Variants in CDKL5 observed in about 807,000 individuals in gnomAD.
CDKL5 encodes the protein cyclin-dependent kinase-like 5.
CDKL5 carries 8 observed loss-of-function variants against 61.7 expected under a neutral mutation model. The observed-to-expected ratio is 0.13, with a 90% CI of 0.08 to 0.23. CDKL5 has a LOEUF of 0.23. CDKL5 is among the 10% of genes least tolerant of loss of function. The pLI, the probability that CDKL5 is intolerant of heterozygous loss-of-function variation, is 1.00. For missense variants in CDKL5, 440 were observed against 734.5 expected, an observed-to-expected ratio of 0.60 and a Z score of 4.63; for synonymous variants, 275 against 272.3, an observed-to-expected ratio of 1.01 and a Z score of -0.10.
intron 20 of CDKL5, among the ~76,000 whole-genome samples, chrX:18,649,289 G>A (rs1004041457): frequency 1.8e-5 from 2 of 111,320 alleles, no homozygotes; most frequent in Non-Finnish European, 3.8e-5. Flanking sequence ...AGGCTGGAGT[G>A]CTGTGGCGCA....
Position 18,634,923 on chromosome X carries a change from A to G in CDKL5, c.*6166A>G. On this transcript the variant is annotated 3_prime_UTR_variant, in exon 18 of 18. Transcript: ENST00000623535. Reference sequence around the variant, plus strand: ...GCAGGGTGACATTTAGACTCTGTTCATTCTTAAAAATAGGGATAAGCCAGA... The same window carrying G: ...GCAGGGTGACATTTAGACTCTGTTCGTTCTTAAAAATAGGGATAAGCCAGA... The G allele has an allele frequency of 1.3e-6, 1 of 748,854 alleles. No individual in the cohort carries two copies. Among genetic ancestry groups the G allele is most frequent in the African/African-American group, 2.4e-5 (1 of 42,346 alleles). The allele number at this position is 748,854 out of a possible 1,213,427, so 61.7% of individuals were successfully genotyped here. A position where few individuals can be genotyped will look rare whatever the true frequency, so the allele number is the denominator to read the frequency against.
chrX:18,433,726 C>T (rs1416099412), intron 1 of CDKL5, among the ~76,000 whole-genome samples: 1 of 111,529 alleles, frequency 9.0e-6, no homozygotes, highest in African/African-American at 3.3e-5. Flanking sequence ...TTTAAACCAG[C>T]AAATAAAATA....
At chrX:18,626,289 G>A (rs1927041079) in intron 17 of CDKL5, among the ~76,000 whole-genome samples, 1 of 109,650 alleles carries the variant, frequency 9.1e-6, no homozygotes, top group Admixed American at 9.7e-5. Flanking sequence ...GGCTGGTCTC[G>A]AACTCCTGGG....
chrX:18,434,907 C>T (rs1931578026), intron 1 of CDKL5, among the ~76,000 whole-genome samples: 2 of 111,553 alleles, frequency 1.8e-5, no homozygotes, highest in Non-Finnish European at 3.8e-5. Flanking sequence ...CAGCCTGGGC[C>T]ACAGAGTGAG....
At position 18,635,066 on chromosome X, in the gene CDKL5, A is replaced by G. The variant is rs1345097601; in HGVS notation, c.*6309A>G. On this transcript the variant is annotated 3_prime_UTR_variant, in exon 18 of 18. Transcript: ENST00000623535. Reference sequence around the variant, plus strand: ...TACTTTTTACTGTGGCAAGGGTGTGATGTGATTGTTAATCTTTTTAATTTT... The same window carrying G: ...TACTTTTTACTGTGGCAAGGGTGTGGTGTGATTGTTAATCTTTTTAATTTT... 3 of 744,188 alleles carry G rather than the reference A, an allele frequency of 4.0e-6. No individual in the cohort carries two copies. The highest frequency in any genetic ancestry group is 4.7e-6 in the Non-Finnish European group (3 of 633,755). The allele number at this position is 744,188 out of a possible 1,213,427, so 61.3% of individuals were successfully genotyped here.
chrX:18,612,464 T>G (rs1053527895), intron 14 of CDKL5, among the ~76,000 whole-genome samples: 4 of 110,060 alleles, frequency 3.6e-5, no homozygotes, highest in Non-Finnish European at 7.6e-5. Context: ...GCTCGAGAGT[T>G]CGAGACCAGC....
intron 4 of CDKL5, among the ~76,000 whole-genome samples, chrX:18,571,308 A>G (rs1418456562): frequency 9.0e-6 from 1 of 111,364 alleles, no homozygotes; most frequent in Non-Finnish European, 1.9e-5. Flanking sequence ...TGTATTGTAT[A>G]CTATGCCACC....
chrX:18,456,421 A>G (rs768343553), intron 1 of CDKL5, among the ~76,000 whole-genome samples: 2 of 112,350 alleles, frequency 1.8e-5, no homozygotes, highest in South Asian at 3.6e-4. Flanking sequence ...AGCTGTTATT[A>G]TTTATAAACT....
chrX:18,489,681 A>T (rs1921920908), intron 1 of CDKL5, among the ~76,000 whole-genome samples: 1 of 110,559 alleles, frequency 9.0e-6, no homozygotes, highest in Non-Finnish European at 1.9e-5. Context: ...GAGTTATTCT[A>T]CCTTTCTGGA....
At chrX:18,487,874 C>T (rs983832569) in intron 1 of CDKL5, among the ~76,000 whole-genome samples, 2 of 110,383 alleles carry the variant, frequency 1.8e-5, no homozygotes, top group Non-Finnish European at 3.8e-5. Flanking sequence ...CTAGATCCCC[C>T]TACTGCACTC....
intron 1 of CDKL5, among the ~76,000 whole-genome samples, chrX:18,488,397 C>T (rs776375693): frequency 1.6e-4 from 18 of 111,457 alleles, no homozygotes; most frequent in African/African-American, 5.2e-4. Flanking sequence ...ATAAATGTTA[C>T]AATTGTTGTA....
rs756815208 is a variant in CDKL5, at chrX:18,609,994, AATAATT to A, written c.2152+428_2152+433del. On this transcript the variant is annotated intron_variant, in intron 14 of 17. Coordinates refer to ENST00000623535, the MANE Select transcript of CDKL5 (RefSeq NM_001323289.2). The stretch of plus-strand genomic sequence containing the variant: ...GGGAGGAGAGATGGACACTAAACAT[AATAATT>A]ATATAGAGCAGTAAAAGATATTAAG... Among the ~76,000 whole-genome samples, 3 of 112,129 alleles carry A rather than the reference AATAATT, an allele frequency of 2.7e-5. No homozygotes were observed. In the Admixed American group the frequency reaches 2.8e-4, roughly 11 times the overall value.
chrX:18,651,220 AGT>A (rs3838188), intron 21 of CDKL5, among the ~76,000 whole-genome samples: 28,333 of 64,406 alleles, frequency 0.44, 5,811 homozygotes, highest in South Asian at 0.57. Context: ...GGCAGGAGCA[AGT>A]GTGTGTGTGT....
At chrX:18,563,520 C>T (rs1347070848) in intron 3 of CDKL5, among the ~76,000 whole-genome samples, 2 of 111,939 alleles carry the variant, frequency 1.8e-5, no homozygotes, top group Non-Finnish European at 3.8e-5. Flanking sequence ...AAAACAAAAA[C>T]ACAGTACCTT....
At position 18,630,333 on chromosome X, in the gene CDKL5, C is replaced by T. The variant is rs1344213346; in HGVS notation, c.*1576C>T. ...TCTGGGTCATCCTTGAGGGAAGTCA[C>T]CTCAGCACCATCATCTATCAGTAGT... On this transcript the variant is annotated 3_prime_UTR_variant, in exon 18 of 18. Coordinates refer to ENST00000623535, the MANE Select transcript of CDKL5 (RefSeq NM_001323289.2). 5 of 751,464 alleles carry T rather than the reference C, an allele frequency of 6.7e-6. No individual in the cohort carries two copies. The highest frequency in any genetic ancestry group is 7.8e-6 in the Non-Finnish European group (5 of 638,769). 61.9% of individuals were successfully genotyped at this position (751,464 alleles called of 1,213,427 possible). A position where few individuals can be genotyped will look rare whatever the true frequency, so the allele number is the denominator to read the frequency against.
intron 1 of CDKL5, among the ~76,000 whole-genome samples, chrX:18,433,442 C>T (rs764512651): frequency 4.5e-5 from 5 of 110,999 alleles, no homozygotes; most frequent in African/African-American, 6.5e-5. Flanking sequence ...CCCAGCTACT[C>T]GGGAGCCTGA....
chrX:18,429,474 T>C (rs1182797852), intron 1 of CDKL5, among the ~76,000 whole-genome samples: 1 of 111,971 alleles, frequency 8.9e-6, no homozygotes, highest in East Asian at 2.8e-4. Flanking sequence ...TAGGTCTTCT[T>C]ACCTCCTGTA....
At chrX:18,452,460 C>T (rs1325719502) in intron 1 of CDKL5, among the ~76,000 whole-genome samples, 1 of 110,746 alleles carries the variant, frequency 9.0e-6, no homozygotes, top group Non-Finnish European at 1.9e-5. Context: ...GAGCCTTACT[C>T]TGTCACCCAG....
At chrX:18,611,756 G>A (rs1926560664) in intron 14 of CDKL5, among the ~76,000 whole-genome samples, 2 of 111,917 alleles carry the variant, frequency 1.8e-5, no homozygotes, top group Admixed American at 1.9e-4. Context: ...GGTAGTGAGA[G>A]CTTGGCAGGT....
Sources: allele counts gnomAD v4.1 joint callset (sites outside exome capture counted in the v4.1 genomes callset), GRCh38; gene constraint gnomAD v4.1.1; transcripts MANE v1.5; gene names NCBI Gene and HGNC (gene_info 2026-07-23, HGNC 2026-07-21).